OR2AG2: variants seen among roughly 807,000 people sequenced by gnomAD.
The protein encoded by OR2AG2 is olfactory receptor 2AG2.
For synonymous variants in OR2AG2, 167 were observed against 157.1 expected (o/e 1.06, Z -0.47); for missense variants, 390 against 391.9 (o/e 1.00, Z 0.04).
At position 6,768,803 on chromosome 11, in the gene OR2AG2, T is replaced by A. The variant is rs1298517407; in HGVS notation, c.155A>T (p.Glu52Val). 6.2e-7 allele frequency: 1 copy of A among 1,614,114 alleles called. No individual in the cohort carries two copies. Among genetic ancestry groups the A allele is most frequent in the Non-Finnish European group, 8.5e-7 (1 of 1,180,006 alleles). Residue 52 changes from glutamate to valine, a missense_variant, in exon 2 of 2, where the codon GAA becomes GTA. Glu to Val is a moderately radical substitution (Grantham distance 121). Transcript: ENST00000641124. Reference sequence around the variant, plus strand: ...GTACATGGGCATGTGGAGCCGGGCTTCTATGGTGATGGCCAGGAGCAGCAG... The same window carrying A: ...GTACATGGGCATGTGGAGCCGGGCTACTATGGTGATGGCCAGGAGCAGCAG... ...NGLLLLAITI[E>V]ARLHMPMYLL... is the part of the protein sequence containing the mutation.
chr11:6,770,172 T>A (rs1271234982), intron 1 of OR2AG2, among the ~76,000 whole-genome samples: 1 of 151,980 alleles, frequency 6.6e-6, no homozygotes, highest in Non-Finnish European at 1.5e-5. Flanking sequence ...AAATATTTAC[T>A]AAGGACCTAT....
chr11:6,768,429 G>A lies in OR2AG2; in HGVS notation c.529C>T (p.Leu177=). ...AGCAAGGGTGGGATCTCACAGAGCA[G>A]ATGCCTGATTTCCCAGGACACACAG... ...PFCVSWEIRH[L]LCEIPPLLKL... Residue 177 remains leucine, a synonymous_variant, in exon 2 of 2, where the codon CTG becomes TTG. Coordinates refer to ENST00000641124, the MANE Select transcript of OR2AG2 (RefSeq NM_001004490.2). 6.2e-7 allele frequency: 1 copy of A among 1,614,186 alleles called. No homozygotes were observed. Among genetic ancestry groups the A allele is most frequent in the East Asian group, 2.2e-5 (1 of 44,880 alleles).
chr11:6,768,205 G>A lies in OR2AG2; in HGVS notation c.753C>T (p.Phe251=), dbSNP rs768480871. Residue 251 remains phenylalanine, a synonymous_variant, in exon 2 of 2, where the codon TTC becomes TTT. Transcript: ENST00000641124. ...CSSHLIVVGM[F]YGAATFMYVL... ...CATACATGAATGTGGCAGCTCCATA[G>A]AACATCCCGACCACAATCAGGTGGG... The A allele has an allele frequency of 6.2e-7, 1 of 1,614,186 alleles. No homozygotes were observed. The highest frequency in any genetic ancestry group is 8.5e-7 in the Non-Finnish European group (1 of 1,180,028).
chr11:6,768,374 T>C lies in OR2AG2; in HGVS notation c.584A>G (p.Tyr195Cys), dbSNP rs1171937899. ...ACCTGTCACGTATATTATAAGCTCA[T>C]ACCTGGAGGTATCAGCACAGGCCAA... is the stretch of plus-strand genomic sequence containing the variant. ...LKLACADTSR[Y>C]ELIIYVTGVT... The change falls in exon 2 of 2, where the codon TAT becomes TGT. Residue 195 changes from tyrosine (Y) to cysteine (C), a missense_variant. Transcript: ENST00000641124. 6 of 1,613,936 alleles carry C rather than the reference T, an allele frequency of 3.7e-6. No individual in the cohort carries two copies. The South Asian group carries it at 4.4e-5, about 12-fold the overall frequency.
rs914322456 is a variant in OR2AG2, at chr11:6,769,051, G to A, written c.-94C>T. ...TAGCTTTGGATTGTTCTAGGTCACT[G>A]TGCATTGGCCAATAGGAATCCCATA... On this transcript the variant is annotated 5_prime_UTR_variant, in exon 2 of 2. The change creates a premature stop within an existing upstream ORF in the 5' untranslated region. Transcript: ENST00000641124. 2 of 806,794 alleles carry A rather than the reference G, an allele frequency of 2.5e-6. No individual in the cohort carries two copies. Among genetic ancestry groups the A allele is most frequent in the African/African-American group, 3.5e-5 (2 of 57,890 alleles). 50.0% of individuals were successfully genotyped at this position (806,794 alleles called of 1,614,324 possible).
In OR2AG2 at chr11:6,768,793, G is replaced by A. The variant is rs949625868; in HGVS notation, c.165C>T (p.Leu55=). The A allele has an allele frequency of 1.2e-6, 2 of 1,614,114 alleles. No homozygotes were observed. Among genetic ancestry groups the A allele is most frequent in the East Asian group, 4.5e-5 (2 of 44,860 alleles). ...CAAGCAGGAGGTACATGGGCATGTG[G>A]AGCCGGGCTTCTATGGTGATGGCCA... The part of the protein sequence containing the change: ...LLLAITIEAR[L]HMPMYLLLGQ... The change falls in exon 2 of 2, where the codon CTC becomes CTT. Residue 55 remains leucine (L), a synonymous_variant. Transcript: ENST00000641124.
At chr11:6,771,084 C>G (rs372697482) in intron 1 of OR2AG2, among the ~76,000 whole-genome samples, 1 of 152,142 alleles carries the variant, frequency 6.6e-6, no homozygotes, top group Non-Finnish European at 1.5e-5. Context: ...AGAGGCATTG[C>G]TATAGTTTAT....
intron 1 of OR2AG2, among the ~76,000 whole-genome samples, chr11:6,770,302 A>T (rs1052847228): frequency 1.4e-4 from 22 of 152,278 alleles, no homozygotes; most frequent in African/African-American, 5.3e-4. Flanking sequence ...AGAACATATA[A>T]GTGAGTTTTC....
chr11:6,768,452 C>T lies in OR2AG2; in HGVS notation c.506G>A (p.Cys169Tyr). ...CAGATGCCTGATTTCCCAGGACACA[C>T]AGAAAGGGAGGTGCATAGTGTACAT... ...HTMYTMHLPF[C>Y]VSWEIRHLLC... Residue 169 changes from cysteine (C) to tyrosine (Y), a missense_variant, in exon 2 of 2, where the codon TGT becomes TAT. Physicochemically the swap from Cys to Tyr is radical, Grantham distance 194. Coordinates refer to ENST00000641124, the MANE Select transcript of OR2AG2 (RefSeq NM_001004490.2). 6.2e-7 allele frequency: 1 copy of T among 1,614,114 alleles called. No individual in the cohort carries two copies. The highest frequency in any genetic ancestry group is 8.5e-7 in the Non-Finnish European group (1 of 1,180,024).
rs1378401234 is a variant in OR2AG2, at chr11:6,771,906, G to A, written c.-822C>T. The A allele has an allele frequency of 6.6e-6, 1 of 152,192 alleles. No homozygotes were observed. Among genetic ancestry groups the A allele is most frequent in the Admixed American group, 6.5e-5 (1 of 15,284 alleles). 9.4% of individuals were successfully genotyped at this position (152,192 alleles called of 1,614,324 possible). On this transcript the variant is annotated 5_prime_UTR_variant, in exon 1 of 2. The change creates a premature stop within an existing upstream ORF in the 5' untranslated region. Transcript: ENST00000641124. ...CTTGCGAGAAAGTCCTTACTGCTTT[G>A]GAATGGTTCTAGCTGAGTTCTTAAG... is the stretch of plus-strand genomic sequence containing the variant.
intron 1 of OR2AG2, among the ~76,000 whole-genome samples, chr11:6,771,033 G>A (rs902054940): frequency 5.9e-5 from 9 of 152,160 alleles, no homozygotes; most frequent in South Asian, 4.2e-4. Flanking sequence ...TGGTGGTTGC[G>A]GGTATTTCAA....
In OR2AG2 at chr11:6,768,099, G is replaced by A. The variant is rs763809258; in HGVS notation, c.859C>T (p.Pro287Ser). 1 of 1,614,114 alleles carries A rather than the reference G, an allele frequency of 6.2e-7. No homozygotes were observed. Among genetic ancestry groups the A allele is most frequent in the Non-Finnish European group, 8.5e-7 (1 of 1,180,020 alleles). Residue 287 changes from proline (P) to serine (S), a missense_variant, in exon 2 of 2, where the codon CCA (proline) becomes TCA (serine). By Grantham distance (74) the Pro-to-Ser change is moderately conservative (BLOSUM62 -1). Coordinates refer to ENST00000641124, the MANE Select transcript of OR2AG2 (RefSeq NM_001004490.2). ...FYTIVTPALN[P>S]LIYSLRNKEV... ...TTATTCCTCAGGCTGTAGATGAGTG[G>A]ATTCAGGGCTGGAGTGACAATTGTG...
In OR2AG2 at chr11:6,768,780, A is replaced by G. The variant is rs764117217; in HGVS notation, c.178T>C (p.Tyr60His). 15 of 1,614,138 alleles carry G rather than the reference A, an allele frequency of 9.3e-6. No homozygotes were observed. The South Asian group carries it at 1.6e-4, about 18-fold the overall frequency. Residue 60 changes from tyrosine (Y) to histidine (H), a missense_variant, in exon 2 of 2, where the codon TAC becomes CAC. Tyr to His is a moderately conservative substitution (Grantham distance 83). Coordinates refer to ENST00000641124, the MANE Select transcript of OR2AG2 (RefSeq NM_001004490.2). Reference protein sequence around the residue: ...TIEARLHMPMYLLLGQLSLMD... With the variant: ...TIEARLHMPMHLLLGQLSLMD... ...AGAGAGAGCTGCCCAAGCAGGAGGT[A>G]CATGGGCATGTGGAGCCGGGCTTCT...
intron 1 of OR2AG2, among the ~76,000 whole-genome samples, chr11:6,770,410 A>C (rs952357005): frequency 1.3e-5 from 2 of 152,156 alleles, no homozygotes; most frequent in African/African-American, 2.4e-5. Context: ...TTAAAAAAAA[A>C]AAAGTGAGGG....
In OR2AG2 at chr11:6,765,847, T is replaced by C. The variant is rs1847368972; in HGVS notation, c.*2160A>G. 1 of 152,084 alleles carries C rather than the reference T, an allele frequency of 6.6e-6. No homozygotes were observed. The highest frequency in any genetic ancestry group is 2.4e-5 in the African/African-American group (1 of 41,434). 9.4% of individuals were successfully genotyped at this position (152,084 alleles called of 1,614,324 possible). Reference sequence around the variant, plus strand: ...TGCTGAGAAAGTAGATTTTAACTTTTCCTAATGCAAAAAAGATAAGTATGT... The same window carrying C: ...TGCTGAGAAAGTAGATTTTAACTTTCCCTAATGCAAAAAAGATAAGTATGT... On this transcript the variant is annotated 3_prime_UTR_variant, in exon 2 of 2. Coordinates refer to ENST00000641124, the MANE Select transcript of OR2AG2 (RefSeq NM_001004490.2).
At chr11:6,771,065 C>G (rs1847442139) in intron 1 of OR2AG2, among the ~76,000 whole-genome samples, 2 of 152,128 alleles carry the variant, frequency 1.3e-5, no homozygotes, top group African/African-American at 4.8e-5. Context: ...TCAGCAGAGG[C>G]TGATATTAAG....
rs185191678 is a variant in OR2AG2 at position 6,771,654 on chromosome 11, A to G, written c.-570T>C. ...GGGAAGGGGCATAGCTTCCAGGTAA[A>G]GAGGTTCAAGAAGCCAAAGAAAGAA... On this transcript the variant is annotated 5_prime_UTR_variant, in exon 1 of 2. Coordinates refer to ENST00000641124, the MANE Select transcript of OR2AG2 (RefSeq NM_001004490.2). 2.6e-5 allele frequency: 4 copies of G among 152,368 alleles called. No homozygotes were observed. In the East Asian group the frequency reaches 7.7e-4, roughly 29 times the overall value. The allele number at this position is 152,368 out of a possible 1,614,324, so 9.4% of individuals were successfully genotyped here. A position where few individuals can be genotyped will look rare whatever the true frequency, so the allele number is the denominator to read the frequency against.
In OR2AG2 at chr11:6,766,431, T is replaced by C. The variant is rs1205671519; in HGVS notation, c.*1576A>G. 1 of 152,172 alleles carries C rather than the reference T, an allele frequency of 6.6e-6. No individual in the cohort carries two copies. The highest frequency in any genetic ancestry group is 2.4e-5 in the African/African-American group (1 of 41,444). 9.4% of individuals were successfully genotyped at this position (152,172 alleles called of 1,614,324 possible). A position where few individuals can be genotyped will look rare whatever the true frequency, so the allele number is the denominator to read the frequency against. On this transcript the variant is annotated 3_prime_UTR_variant, in exon 2 of 2. Coordinates refer to ENST00000641124, the MANE Select transcript of OR2AG2 (RefSeq NM_001004490.2). ...ACAAAAAAGAAAAATTTATAAGTGA[T>C]TTTTGATTTATTCTAATTTTTTTAA...
intron 1 of OR2AG2, among the ~76,000 whole-genome samples, chr11:6,770,020 C>G (rs1217888559): frequency 6.6e-6 from 1 of 152,148 alleles, no homozygotes; most frequent in African/African-American, 2.4e-5. Flanking sequence ...TCTTTCCCTT[C>G]CATAATCTGC....
Sources: allele counts gnomAD v4.1 joint callset (sites outside exome capture counted in the v4.1 genomes callset), GRCh38; gene constraint gnomAD v4.1.1; transcripts MANE v1.5; gene names NCBI Gene and HGNC (gene_info 2026-07-23, HGNC 2026-07-21).